Variants in PRPF6 observed in about 807,000 individuals in gnomAD.
The protein encoded by PRPF6 is pre-mRNA processing factor 6.
A neutral mutation model predicts 118.3 loss-of-function variants in PRPF6; 42 were observed. The ratio of observed to expected loss-of-function variants is 0.35; its 90% CI spans 0.28 to 0.46. The LOEUF (loss-of-function observed/expected upper bound fraction) is 0.46, where lower values mean the gene tolerates loss of function less well. Ranked by LOEUF, PRPF6 falls within the 20% of genes least tolerant of loss-of-function variation. The pLI, the probability that PRPF6 is intolerant of heterozygous loss-of-function variation, is 1.00. For missense variants in PRPF6, 662 were observed against 1,255.7 expected (o/e 0.53, Z 7.15); for synonymous variants, 481 against 485.1 (o/e 0.99, Z 0.11).
At chr20:63,993,015 A>G (rs1027619630) in intron 3 of PRPF6, among the ~76,000 whole-genome samples, 2 of 152,064 alleles carry the variant, frequency 1.3e-5, no homozygotes, top group Admixed American at 6.6e-5. Context: ...CAGGAGTTCG[A>G]GAACAGCCTG....
chr20:64,009,559 C>T (rs1264760465), intron 9 of PRPF6, among the ~76,000 whole-genome samples: 1 of 152,060 alleles, frequency 6.6e-6, no homozygotes, highest in African/African-American at 2.4e-5. Flanking sequence ...CCCGTCCCTA[C>T]TAAAAATACA....
chr20:64,000,544 A>G (rs113237347), intron 8 of PRPF6, among the ~76,000 whole-genome samples: 1,641 of 149,632 alleles, frequency 0.011, 38 homozygotes, highest in African/African-American at 0.038. Context: ...GAAGGAAATC[A>G]TGCTCTTTTC....
At chr20:64,006,758 G>A (rs1366614822) in intron 9 of PRPF6, among the ~76,000 whole-genome samples, 1 of 152,194 alleles carries the variant, frequency 6.6e-6, no homozygotes, top group Non-Finnish European at 1.5e-5. Flanking sequence ...GTGTGTTCTG[G>A]CTGTGAGATC....
At chr20:64,000,750 G>A (rs1297913018) in intron 8 of PRPF6, among the ~76,000 whole-genome samples, 6 of 151,988 alleles carry the variant, frequency 3.9e-5, no homozygotes, top group Non-Finnish European at 7.4e-5. Context: ...TGTAGTTTTA[G>A]TAGAGACAGG....
chr20:63,999,285 A>G, intron 7 of PRPF6, 146 bp downstream of exon 7: 1 of 773,516 alleles, frequency 1.3e-6, no homozygotes, highest in South Asian at 1.5e-5. Flanking sequence ...TTCCATTTGA[A>G]ATGTATCTGT....
intron 9 of PRPF6, among the ~76,000 whole-genome samples, chr20:64,006,402 C>T (rs552304104): frequency 3.9e-4 from 59 of 151,630 alleles, no homozygotes; most frequent in African/African-American, 1.4e-3. Flanking sequence ...CTGCAACCTC[C>T]GCCTCCTGGG....
intron 9 of PRPF6, among the ~76,000 whole-genome samples, chr20:64,005,851 C>T (rs963211533): frequency 6.6e-6 from 1 of 152,112 alleles, no homozygotes; most frequent in Non-Finnish European, 1.5e-5. Context: ...CCTCCAGTCT[C>T]AGCTTCCTGA....
intron 9 of PRPF6, among the ~76,000 whole-genome samples, chr20:64,007,619 A>G (rs1030044809): frequency 1.3e-5 from 2 of 151,226 alleles, no homozygotes; most frequent in Non-Finnish European, 2.9e-5. Context: ...AGTACATGCC[A>G]CCACGCCCAG....
chr20:63,987,196 G>GA (rs943685768), intron 3 of PRPF6, among the ~76,000 whole-genome samples: 1 of 149,722 alleles, frequency 6.7e-6, no homozygotes, highest in Non-Finnish European at 1.5e-5. Flanking sequence ...AAAAGGGGGG[G>GA]GGAGCATAAC....
In PRPF6 at chr20:63,988,009, C is replaced by A. The variant is rs546418576; in HGVS notation, c.359+2984C>A. Among the ~76,000 whole-genome samples, 7 of 151,728 alleles carry A rather than the reference C, an allele frequency of 4.6e-5. No individual in the cohort carries two copies. In the East Asian group the frequency reaches 1.2e-3, roughly 25 times the overall value. ...ACCAGCCTGACCAACGTGGTGAAAC[C>A]CTGTCTCTACTAAAAAAATTACAAA... On this transcript the variant is annotated intron_variant, in intron 3 of 20. Transcript: ENST00000266079.
intron 6 of PRPF6, among the ~76,000 whole-genome samples, chr20:63,996,090 C>T (rs377487736): frequency 1.2e-4 from 18 of 152,138 alleles, no homozygotes; most frequent in African/African-American, 4.3e-4. Flanking sequence ...CAGTGAAGTA[C>T]AGAACTCTTT....
chr20:64,021,734 CGT>C (rs1405060314), intron 12 of PRPF6, among the ~76,000 whole-genome samples: 36 of 64,020 alleles, frequency 5.6e-4, no homozygotes, highest in Middle Eastern at 0.012. Context: ...CGTGTGTGTG[CGT>C]GTGTGTGTGT....
chr20:63,989,061 C>T (rs1190200643), intron 3 of PRPF6, among the ~76,000 whole-genome samples: 1 of 152,020 alleles, frequency 6.6e-6, no homozygotes, highest in African/African-American at 2.4e-5. Context: ...ACCAATGGAA[C>T]AGAATGGACC....
Position 64,025,954 on chromosome 20 carries a change from G to A in PRPF6, c.1924G>A (p.Glu642Lys). The A allele has an allele frequency of 6.2e-7, 1 of 1,613,658 alleles. No homozygotes were observed. Among genetic ancestry groups the A allele is most frequent in the Non-Finnish European group, 8.5e-7 (1 of 1,180,034 alleles). The change falls in exon 15 of 21, where the codon GAG becomes AAG. Residue 642 changes from glutamate to lysine, a missense_variant. This residue lies in a region of PRPF6 where 15 missense variants were observed against 66.5 expected (regional missense o/e 0.23). Coordinates refer to ENST00000266079, the MANE Select transcript of PRPF6 (RefSeq NM_012469.4). ...ALAFQANPNS[E>K]EIWLAAVKLE... ...TGCCCTTCAGGCCAACCCCAACAGT[G>A]AGGAGATCTGGCTGGCAGCCGTGAA... is the stretch of plus-strand genomic sequence containing the variant.
intron 9 of PRPF6, among the ~76,000 whole-genome samples, chr20:64,002,189 C>A (rs2059170489): frequency 2.7e-5 from 4 of 146,318 alleles, no homozygotes. Context: ...TGGCTAATTT[C>A]TTTTTGTATT....
intron 9 of PRPF6, among the ~76,000 whole-genome samples, chr20:64,003,881 A>T (rs1374230676): frequency 3.9e-5 from 6 of 152,178 alleles, no homozygotes; most frequent in Non-Finnish European, 8.8e-5. Context: ...TACAGGCGTG[A>T]GCCACCGCGC....
intron 9 of PRPF6, among the ~76,000 whole-genome samples, chr20:64,008,148 C>G (rs1230950427): frequency 6.6e-6 from 1 of 152,200 alleles, no homozygotes; most frequent in Non-Finnish European, 1.5e-5. Context: ...ATGTCAGTAC[C>G]TGCACGGGCA....
rs767110150 is a variant in PRPF6, at chr20:64,024,627, C to T, written c.1842C>T (p.Gly614=). The T allele has an allele frequency of 5.0e-5, 80 of 1,613,674 alleles. No homozygotes were observed. The highest frequency in any genetic ancestry group is 6.5e-5 in the Non-Finnish European group (77 of 1,180,024). The stretch of plus-strand genomic sequence containing the variant: ...AAGCAGAGGTGCTGTGGCTCATGGG[C>T]GCCAAGTCCAAGTGGCTGGCAGGGG... ...CPKAEVLWLM[G]AKSKWLAGDV... The change falls in exon 14 of 21, where the codon GGC becomes GGT. Residue 614 remains glycine, a synonymous_variant. Transcript: ENST00000266079.
Position 64,022,814 on chromosome 20 carries a change from G to C in PRPF6, c.1705G>C (p.Val569Leu), listed in dbSNP as rs1223475361. The stretch of plus-strand genomic sequence containing the variant: ...AGCCATCTACGCCTACGCCCTGCAG[G>C]TGTTCCCCAGCAAGAAGAGTGTGTG... ...ARAIYAYALQ[V>L]FPSKKSVWLR... The change falls in exon 13 of 21, where the codon GTG becomes CTG. Residue 569 changes from valine to leucine, a missense_variant. Physicochemically the swap from Val to Leu is conservative, Grantham distance 32 (BLOSUM62 1). Coordinates refer to ENST00000266079, the MANE Select transcript of PRPF6 (RefSeq NM_012469.4). The C allele has an allele frequency of 6.2e-7, 1 of 1,614,038 alleles. No homozygotes were observed. Among genetic ancestry groups the C allele is most frequent in the East Asian group, 2.2e-5 (1 of 44,900 alleles).
Sources: gnomAD v4.1 joint callset for allele counts (sites outside exome capture counted in the v4.1 genomes callset) on GRCh38, gnomAD v4.1.1 for gene constraint, gnomAD v4.1.1 regional missense constraint, MANE v1.5 for transcripts, NCBI Gene and HGNC (gene_info 2026-07-23, HGNC 2026-07-21) for gene names.